The following ULK4 variants were observed in gnomAD, a reference collection of about 807,000 sequenced individuals.
ULK4 encodes unc-51 like kinase 4.
In ULK4, 133 loss-of-function variants were observed where a neutral mutation model predicts 160.6. The ratio of observed to expected loss-of-function variants is 0.83; its 90% confidence interval spans 0.72 to 0.96. The LOEUF (loss-of-function observed/expected upper bound fraction) is 0.96. ULK4 is among the 40% of genes least tolerant of loss of function. The pLI is 0.00. For synonymous variants in ULK4, 534 were observed against 539.8 expected (o/e 0.99, Z 0.15); for missense variants, 1,580 against 1,499.5 (o/e 1.05, Z -0.89).
intron 17 of ULK4, among the ~76,000 whole-genome samples, chr3:41,865,477 C>T (rs1386557181): frequency 6.6e-6 from 1 of 151,856 alleles, no homozygotes; most frequent in Non-Finnish European, 1.5e-5. Context: ...AAAAAGATGA[C>T]CATTTTCTCC....
chr3:41,272,818 T>G (rs909542641), intron 35 of ULK4, among the ~76,000 whole-genome samples: 2 of 152,228 alleles, frequency 1.3e-5, no homozygotes, highest in Non-Finnish European at 2.9e-5. Flanking sequence ...TTCTATACGT[T>G]CACACTCAGT....
At chr3:41,535,771 T>C (rs2086476188) in intron 32 of ULK4, among the ~76,000 whole-genome samples, 1 of 152,172 alleles carries the variant, frequency 6.6e-6, no homozygotes, top group Admixed American at 6.5e-5. Flanking sequence ...GGGTGCTCAT[T>C]TCTATAGAGT....
intron 35 of ULK4, among the ~76,000 whole-genome samples, chr3:41,320,494 C>T (rs561508692): frequency 2.6e-4 from 40 of 152,250 alleles, no homozygotes; most frequent in South Asian, 6.2e-4. Context: ...AGGAAGCCAC[C>T]GAACTTGCCC....
At chr3:41,760,649 G>T (rs1207240574) in intron 21 of ULK4, among the ~76,000 whole-genome samples, 3 of 152,080 alleles carry the variant, frequency 2.0e-5, no homozygotes, top group Non-Finnish European at 4.4e-5. Flanking sequence ...AATATTGTAT[G>T]AAATTACCTT....
At chr3:41,448,732 G>A (rs1209532104) in intron 34 of ULK4, among the ~76,000 whole-genome samples, 1 of 152,164 alleles carries the variant, frequency 6.6e-6, no homozygotes, top group Admixed American at 6.5e-5. Flanking sequence ...TGTGTGATGT[G>A]TTTGGGTGGC....
intron 29 of ULK4, among the ~76,000 whole-genome samples, chr3:41,670,578 T>C (rs770147732): frequency 4.6e-5 from 7 of 152,046 alleles, no homozygotes; most frequent in Non-Finnish European, 7.4e-5. Flanking sequence ...TATGTATATA[T>C]GTATATACAT....
chr3:41,338,747 T>C (rs2080618852), intron 35 of ULK4, among the ~76,000 whole-genome samples: 1 of 151,912 alleles, frequency 6.6e-6, no homozygotes, highest in African/African-American at 2.4e-5. Flanking sequence ...GTATAATACA[T>C]CTATATCACA....
intron 35 of ULK4, among the ~76,000 whole-genome samples, chr3:41,266,387 TCTG>T (rs1036629569): frequency 3.0e-4 from 46 of 152,154 alleles, no homozygotes; most frequent in Non-Finnish European, 1.8e-4. Flanking sequence ...GGCTGCAGAC[TCTG>T]CTTACACATT....
chr3:41,396,185 C>G (rs2125812696), intron 35 of ULK4, among the ~76,000 whole-genome samples: 1 of 152,186 alleles, frequency 6.6e-6, no homozygotes, highest in African/African-American at 2.4e-5. Flanking sequence ...CATGTTTGGT[C>G]TTTATTTACC....
At chr3:41,530,468 G>A (rs969490283) in intron 32 of ULK4, among the ~76,000 whole-genome samples, 1 of 152,148 alleles carries the variant, frequency 6.6e-6, no homozygotes, top group African/African-American at 2.4e-5. Context: ...TGCATTTAAG[G>A]ATTAGTAGGA....
At chr3:41,866,686 T>C (rs916054570) in intron 17 of ULK4, among the ~76,000 whole-genome samples, 2 of 152,250 alleles carry the variant, frequency 1.3e-5, no homozygotes, top group Non-Finnish European at 2.9e-5. Context: ...GTATCTACTA[T>C]AATATGCGCT....
At chr3:41,475,978 G>C (rs548282070) in intron 32 of ULK4, among the ~76,000 whole-genome samples, 14 of 149,376 alleles carry the variant, frequency 9.4e-5, no homozygotes, top group African/African-American at 3.4e-4. Flanking sequence ...GAGGGAGGGA[G>C]GCATGGGAGG....
At chr3:41,653,290 C>T (rs776038994) in intron 30 of ULK4, among the ~76,000 whole-genome samples, 6 of 152,146 alleles carry the variant, frequency 3.9e-5, no homozygotes, top group Non-Finnish European at 8.8e-5. Context: ...TTCAAACTAG[C>T]CAATCCTAAG....
At chr3:41,812,511 A>C (rs1378577358) in intron 19 of ULK4, among the ~76,000 whole-genome samples, 4 of 152,242 alleles carry the variant, frequency 2.6e-5, no homozygotes, top group Admixed American at 2.0e-4. Context: ...ATATGGAATA[A>C]CGATTTCAGA....
intron 17 of ULK4, among the ~76,000 whole-genome samples, chr3:41,861,371 G>A (rs979123299): frequency 9.2e-5 from 14 of 152,122 alleles, no homozygotes; most frequent in Non-Finnish European, 1.9e-4. Context: ...GTCTGGGAGA[G>A]TCTTTATTTC....
rs781635383 is a variant in ULK4, at chr3:41,911,586, T to C, written c.970A>G (p.Lys324Glu). ...LLQNSQSRQA[K>E]GHKSGQPLGH... is the part of the protein sequence containing the mutation. ...AGTGGTTGACCACTCTTGTGCCCTTTTGCTTGTCTACTCTGAGAGTTCTGC... is the reference window on the plus strand; with the variant it reads ...AGTGGTTGACCACTCTTGTGCCCTTCTGCTTGTCTACTCTGAGAGTTCTGC... The change falls in exon 10 of 37, where the codon AAA (lysine) becomes GAA (glutamate). Residue 324 changes from lysine to glutamate, a missense_variant. Transcript: ENST00000301831. 3 of 1,614,092 alleles carry C rather than the reference T, an allele frequency of 1.9e-6. No individual in the cohort carries two copies. The highest frequency in any genetic ancestry group is 2.2e-5 in the East Asian group (1 of 44,870).
intron 35 of ULK4, among the ~76,000 whole-genome samples, chr3:41,377,304 T>C (rs997282005): frequency 2.6e-5 from 4 of 152,100 alleles, no homozygotes; most frequent in Non-Finnish European, 1.5e-5. Context: ...CATCAGGACA[T>C]AGGCATGGGC....
intron 35 of ULK4, among the ~76,000 whole-genome samples, chr3:41,304,918 T>C (rs56257760): frequency 0.24 from 36,638 of 152,110 alleles, 5,522 homozygotes; most frequent in South Asian, 0.33. Context: ...GAAGGAATAG[T>C]GAGAACGCAG....
intron 31 of ULK4, among the ~76,000 whole-genome samples, chr3:41,585,819 TAAC>T (rs550348570): frequency 2.2e-4 from 34 of 152,152 alleles, no homozygotes; most frequent in East Asian, 2.1e-3. Context: ...TATATTTCAA[TAAC>T]AACAACAAAA....
Sources: allele counts gnomAD v4.1 joint callset (sites outside exome capture counted in the v4.1 genomes callset), GRCh38; gene constraint gnomAD v4.1.1; transcripts MANE v1.5; gene names NCBI Gene and HGNC (gene_info 2026-07-23, HGNC 2026-07-21).